Variants in KIAA0232 observed in about 807,000 individuals in gnomAD.
KIAA0232 encodes KIAA0232, also known as uncharacterized protein KIAA0232.
In KIAA0232, 27 loss-of-function variants were observed where a neutral mutation model predicts 122.0. The ratio of observed to expected loss-of-function variants is 0.22; its 90% CI spans 0.16 to 0.31. KIAA0232 has a LOEUF of 0.31. Among genes scored for constraint, KIAA0232 ranks in the 10% least tolerant of loss-of-function variants. KIAA0232 has a pLI of 1.00. For missense variants in KIAA0232, 1,551 were observed against 1,634.2 expected, an observed-to-expected ratio of 0.95 and a Z score of 0.88; for synonymous variants, 613 against 587.6, an observed-to-expected ratio of 1.04 and a Z score of -0.63.
At chr4:6,807,136 GTGT>G (rs1400575621) in intron 2 of KIAA0232, among the ~76,000 whole-genome samples, 13 of 151,930 alleles carry the variant, frequency 8.6e-5, no homozygotes, top group Non-Finnish European at 1.8e-4. Flanking sequence ...CTGGGCTCAA[GTGT>G]TGTTCCTGCC....
At chr4:6,789,642 C>T (rs1716799814) in intron 1 of KIAA0232, among the ~76,000 whole-genome samples, 2 of 152,110 alleles carry the variant, frequency 1.3e-5, no homozygotes, top group Non-Finnish European at 2.9e-5. Flanking sequence ...AGGGCTTTTG[C>T]ATAAACAGAT....
At chr4:6,845,730 C>T (rs902656102) in intron 4 of KIAA0232, among the ~76,000 whole-genome samples, 1 of 151,954 alleles carries the variant, frequency 6.6e-6, no homozygotes, top group African/African-American at 2.4e-5. Context: ...CTTCTTTGGA[C>T]CAAAGTTGCT....
chr4:6,808,876 C>G (rs1046372854), intron 2 of KIAA0232, among the ~76,000 whole-genome samples: 1 of 152,214 alleles, frequency 6.6e-6, no homozygotes, highest in South Asian at 2.1e-4. Context: ...AAGCATTCTA[C>G]TAAATGGTAC....
At chr4:6,810,087 C>T (rs565351625) in intron 2 of KIAA0232, among the ~76,000 whole-genome samples, 15 of 152,228 alleles carry the variant, frequency 9.9e-5, no homozygotes, top group African/African-American at 3.4e-4. Flanking sequence ...ATCCTAAATT[C>T]ATATGAAATC....
chr4:6,786,186 A>T (rs916597896), intron 1 of KIAA0232, among the ~76,000 whole-genome samples: 2 of 152,234 alleles, frequency 1.3e-5, no homozygotes, highest in Non-Finnish European at 2.9e-5. Flanking sequence ...TGTTAAATGT[A>T]AGTGTTTAAA....
intron 1 of KIAA0232, among the ~76,000 whole-genome samples, chr4:6,798,832 G>C (rs6812349): frequency 7.9e-5 from 12 of 152,178 alleles, no homozygotes; most frequent in Admixed American, 7.9e-4. Context: ...GATTATAGGC[G>C]TGAGCCACCG....
In KIAA0232 at chr4:6,863,578, T is replaced by G. The variant is rs551235134; in HGVS notation, c.3196T>G (p.Phe1066Val). 2 of 1,614,190 alleles carry G rather than the reference T, an allele frequency of 1.2e-6. No individual in the cohort carries two copies. The highest frequency in any genetic ancestry group is 1.7e-6 in the Non-Finnish European group (2 of 1,180,024). ...ATTTGAACCTGAAGGGATTGCATCT[T>G]TCAGCCCCAGTTTTAAACCGAAATC... ...CSFEPEGIAS[F>V]SPSFKPKSIL... Residue 1066 changes from phenylalanine to valine, a missense_variant, in exon 7 of 10, where the codon TTC becomes GTC. Around this residue, in one of 5 missense-constraint regions of KIAA0232, gnomAD observed 1,108 missense variants for 1,154.8 expected, o/e 0.96. Coordinates refer to ENST00000307659, the MANE Select transcript of KIAA0232 (RefSeq NM_014743.3).
At chr4:6,793,237 A>G (rs1384369616) in intron 1 of KIAA0232, among the ~76,000 whole-genome samples, 4 of 152,220 alleles carry the variant, frequency 2.6e-5, no homozygotes, top group Admixed American at 6.5e-5. Flanking sequence ...GAATGTGTAT[A>G]TAAACAACAT....
chr4:6,822,226 C>A (rs116441766), intron 2 of KIAA0232, among the ~76,000 whole-genome samples: 27 of 151,884 alleles, frequency 1.8e-4, no homozygotes, highest in African/African-American at 5.1e-4. Context: ...AGAAAATCTT[C>A]GCTTTAATTT....
At chr4:6,789,173 G>A (rs933743151) in intron 1 of KIAA0232, among the ~76,000 whole-genome samples, 3 of 151,690 alleles carry the variant, frequency 2.0e-5, no homozygotes, top group South Asian at 2.1e-4. Flanking sequence ...GGGTTTCACC[G>A]TGTTAGCCAG....
chr4:6,876,769 GTCC>G lies in KIAA0232; in HGVS notation c.4008+21_4008+23del, dbSNP rs766128481. Reference sequence around the variant, plus strand: ...TAGATTTTAATAGGGTAAGTGGACTGTCCTCCTCCTCGTCATTAACTTACAAAC... The same window carrying G: ...TAGATTTTAATAGGGTAAGTGGACTGTCCTCCTCGTCATTAACTTACAAAC... On this transcript the variant is annotated intron_variant, in intron 9 of 9. Coordinates refer to ENST00000307659, the MANE Select transcript of KIAA0232 (RefSeq NM_014743.3). The G allele has an allele frequency of 2.6e-6, 4 of 1,549,988 alleles. No individual in the cohort carries two copies. The highest frequency in any genetic ancestry group is 1.4e-5 in the African/African-American group (1 of 73,642).
At position 6,861,717 on chromosome 4, in the gene KIAA0232, G is replaced by A; in HGVS notation, c.1335G>A (p.Val445=). 3 of 1,614,158 alleles carry A rather than the reference G, an allele frequency of 1.9e-6. No individual in the cohort carries two copies. The highest frequency in any genetic ancestry group is 2.5e-6 in the Non-Finnish European group (3 of 1,180,034). The change falls in exon 7 of 10, where the codon GTG becomes GTA. Residue 445 remains valine, a synonymous_variant. Coordinates refer to ENST00000307659, the MANE Select transcript of KIAA0232 (RefSeq NM_014743.3). ...SEAVEELSES[V]HGLCISNNNL... ...CAGTGGAAGAATTGTCTGAATCAGT[G>A]CATGGTCTTTGTATCAGCAACAATA...
chr4:6,808,953 GA>G (rs1186317231), intron 2 of KIAA0232, among the ~76,000 whole-genome samples: 1 of 152,140 alleles, frequency 6.6e-6, no homozygotes, highest in African/African-American at 2.4e-5. Context: ...CCATTCCCAG[GA>G]GGCAGTTAGA....
intron 7 of KIAA0232, among the ~76,000 whole-genome samples, chr4:6,867,687 G>A (rs1022231830): frequency 2.6e-5 from 4 of 152,204 alleles, no homozygotes; most frequent in African/African-American, 7.2e-5. Context: ...GAGTAAAGAA[G>A]GAGTGAGGGT....
Position 6,862,493 on chromosome 4 carries a change from C to G in KIAA0232, c.2111C>G (p.Ser704Cys), listed in dbSNP as rs758707395. The change falls in exon 7 of 10, where the codon TCT becomes TGT. Residue 704 changes from serine to cysteine, a missense_variant. By Grantham distance (112) the Ser-to-Cys change is moderately radical (BLOSUM62 -1). This residue lies in a region of KIAA0232 where 1,108 missense variants were observed against 1,154.8 expected (regional missense o/e 0.96). Transcript: ENST00000307659. The stretch of plus-strand genomic sequence containing the variant: ...GCCTTTGAAGAAAATGAACACTGTT[C>G]TAATCTTTCAACAAGAACTTGTAGT... ...NSAFEENEHC[S>C]NLSTRTCSPW... is the part of the protein sequence containing the mutation. 4 of 1,613,842 alleles carry G rather than the reference C, an allele frequency of 2.5e-6. No homozygotes were observed. The highest frequency in any genetic ancestry group is 1.7e-5 in the Admixed American group (1 of 59,970).
rs745670258 is a variant in KIAA0232 at position 6,864,099 on chromosome 4, A to G, written c.3717A>G (p.Glu1239=). 12 of 1,614,120 alleles carry G rather than the reference A, an allele frequency of 7.4e-6. No homozygotes were observed. The highest frequency in any genetic ancestry group is 9.3e-6 in the Non-Finnish European group (11 of 1,180,012). The change falls in exon 7 of 10, where the codon GAA becomes GAG. Residue 1239 remains glutamate (E), a synonymous_variant. Coordinates refer to ENST00000307659, the MANE Select transcript of KIAA0232 (RefSeq NM_014743.3). Reference sequence around the variant, plus strand: ...AAATAATGGCACAATGCGAGGAAGAAATTAATAATTTTTGTGGTTGCAAAG... The same window carrying G: ...AAATAATGGCACAATGCGAGGAAGAGATTAATAATTTTTGTGGTTGCAAAG... ...NCKIMAQCEE[E]INNFCGCKAG...
chr4:6,811,272 C>G (rs1717863597), intron 2 of KIAA0232, among the ~76,000 whole-genome samples: 1 of 152,104 alleles, frequency 6.6e-6, no homozygotes, highest in South Asian at 2.1e-4. Flanking sequence ...GAATGCTATT[C>G]AGACATAAAA....
intron 5 of KIAA0232, 145 bp downstream of exon 5, chr4:6,857,375 G>C: frequency 1.8e-6 from 1 of 559,640 alleles, no homozygotes; most frequent in Non-Finnish European, 3.0e-6. Flanking sequence ...CCAGCCTCAT[G>C]CTCCATCTGC....
Position 6,800,991 on chromosome 4 carries a change from G to T in KIAA0232, c.-353-3532G>T, listed in dbSNP as rs143934066. Reference sequence around the variant, plus strand: ...GAATACAAATATAAATATAGACAGAGTTCTTGATAATTTGGTCATAGGATA... The same window carrying T: ...GAATACAAATATAAATATAGACAGATTTCTTGATAATTTGGTCATAGGATA... On this transcript the variant is annotated intron_variant, in intron 1 of 9. Coordinates refer to ENST00000307659, the MANE Select transcript of KIAA0232 (RefSeq NM_014743.3). 5.9e-5 allele frequency among the ~76,000 whole-genome samples: 9 copies of T among 152,270 alleles called. No homozygotes were observed. In the East Asian group the frequency reaches 1.7e-3, roughly 29 times the overall value.
Sources: gnomAD v4.1 joint callset for allele counts (sites outside exome capture counted in the v4.1 genomes callset) on GRCh38, gnomAD v4.1.1 for gene constraint, gnomAD v4.1.1 regional missense constraint, MANE v1.5 for transcripts, NCBI Gene and HGNC (gene_info 2026-07-23, HGNC 2026-07-21) for gene names.